Variants in OARD1 observed in about 807,000 individuals in gnomAD.
The protein encoded by OARD1 is O-acyl-ADP-ribose deacylase 1.
In OARD1, 19 loss-of-function variants were observed where a neutral mutation model predicts 19.7. The observed-to-expected ratio is 0.96, with a 90% CI of 0.67 to 1.41. The LOEUF is 1.41. OARD1 is among the 40% of genes most tolerant of loss of function. The probability of loss-of-function intolerance (pLI) is 0.00; values close to 1 mark genes in which losing one functional copy is unlikely to be tolerated. For missense variants in OARD1, 190 were observed against 183.8 expected, an observed-to-expected ratio of 1.03 and a Z score of -0.20; for synonymous variants, 70 against 61.8, an observed-to-expected ratio of 1.13 and a Z score of -0.62.
At chr6:41,086,522 GTTTT>G (rs35163651) in intron 1 of OARD1, among the ~76,000 whole-genome samples, 6 of 151,892 alleles carry the variant, frequency 4.0e-5, no homozygotes, top group African/African-American at 1.5e-4. Context: ...TTGTATAGGA[GTTTT>G]TTTTCTCATT....
At chr6:41,079,126 G>A in intron 1 of OARD1, 1 of 1,614,202 alleles carries the variant, frequency 6.2e-7, no homozygotes, top group Non-Finnish European at 8.5e-7. Context: ...TAGTTCGACA[G>A]AGCAGATTGT....
intron 4 of OARD1, 78 bp from the exon 5 acceptor site, chr6:41,069,031 A>G (rs2294695): frequency 0.35 from 246,975 of 698,122 alleles, 45,832 homozygotes; most frequent in African/African-American, 0.52. Context: ...CCAACATCCC[A>G]ATAATTAAAA....
upstream of OARD1, chr6:41,075,221 CTG>C (rs1763700765): frequency 6.6e-6 from 1 of 152,182 alleles, no homozygotes; most frequent in African/African-American, 2.4e-5. Context: ...GGGCTTTCCT[CTG>C]TCATCCAGGC....
Position 41,095,932 on chromosome 6 carries a change from A to G in OARD1, c.-42+1781T>C, listed in dbSNP as rs575346639. On this transcript the variant is annotated intron_variant, in intron 1 of 4. Transcript: ENST00000480585. Reference sequence around the variant, plus strand: ...TTAGTATCCAGTTCTGAACCAAGCAATCAGTGTTTCTTGAATTAATAGATT... The same window carrying G: ...TTAGTATCCAGTTCTGAACCAAGCAGTCAGTGTTTCTTGAATTAATAGATT... Among the ~76,000 whole-genome samples the G allele has an allele frequency of 7.2e-5, 11 of 152,344 alleles. No homozygotes were observed. In the South Asian group the frequency reaches 1.9e-3, roughly 26 times the overall value.
At chr6:41,094,499 T>C (rs765087958) in intron 1 of OARD1, 4 of 1,607,576 alleles carry the variant, frequency 2.5e-6, no homozygotes, top group Non-Finnish European at 3.4e-6. Flanking sequence ...CATATGCAGG[T>C]AGGAAGACAT....
intron 1 of OARD1, chr6:41,092,947 A>G: frequency 6.2e-7 from 1 of 1,613,944 alleles, no homozygotes; most frequent in Non-Finnish European, 8.5e-7. Flanking sequence ...CTGCTATCCA[A>G]AGAATCCCTC....
At chr6:41,070,296 T>C (rs1763264707) in intron 3 of OARD1, among the ~76,000 whole-genome samples, 162 bp from the exon 4 acceptor site, 1 of 152,256 alleles carries the variant, frequency 6.6e-6, no homozygotes, top group African/African-American at 2.4e-5. Context: ...ACACTTTGCT[T>C]TTTATCAGCA....
intron 1 of OARD1, chr6:41,090,119 A>G: frequency 2.1e-6 from 2 of 951,450 alleles, no homozygotes; most frequent in East Asian, 5.1e-5. Flanking sequence ...GTCTCAAAAA[A>G]ATAATTTTTT....
At chr6:41,092,861 C>T (rs753178522) in intron 1 of OARD1, 1 of 1,547,202 alleles carries the variant, frequency 6.5e-7, no homozygotes, top group African/African-American at 1.4e-5. Flanking sequence ...GAAACTGTTT[C>T]TATGTCCATA....
At chr6:41,088,679 G>A (rs1207093199) in intron 1 of OARD1, among the ~76,000 whole-genome samples, 2 of 151,320 alleles carry the variant, frequency 1.3e-5, no homozygotes, top group East Asian at 4.1e-4. Context: ...CTGCCTCCCA[G>A]GCTCAAATGA....
Position 41,071,617 on chromosome 6 carries a change from A to T in OARD1, c.18T>A (p.Asn6Lys), listed in dbSNP as rs1216105495. Residue 6 changes from asparagine to lysine, a missense_variant, in exon 2 of 6, where the codon AAT becomes AAA. Asn to Lys is a moderately conservative substitution (Grantham distance 94, BLOSUM62 0). Coordinates refer to ENST00000424266, the MANE Select transcript of OARD1 (RefSeq NM_001329686.2). ...GCACTCTGCTTCCTTCTGGATCTTC[A>T]TTAAGGCTGCTGGCCATGATACTGA... MASSL[N>K]EDPEGSRITY... is the part of the protein sequence containing the mutation. The T allele has an allele frequency of 6.2e-7, 1 of 1,613,554 alleles. No homozygotes were observed. Among genetic ancestry groups the T allele is most frequent in the Non-Finnish European group, 8.5e-7 (1 of 1,179,506 alleles).
chr6:41,073,633 TG>T (rs1290411459), upstream of OARD1, among the ~76,000 whole-genome samples: 1 of 151,982 alleles, frequency 6.6e-6, no homozygotes, highest in Non-Finnish European at 1.5e-5. Context: ...GAGGGAGGCC[TG>T]GGGAGGGTGC....
chr6:41,097,473 A>C, intron 1 of OARD1: 1 of 1,543,478 alleles, frequency 6.5e-7, no homozygotes, highest in Non-Finnish European at 9.0e-7. Context: ...AAATTGATCA[A>C]CTCTTCCAAT....
chr6:41,086,028 T>C (rs1764034083), intron 1 of OARD1, among the ~76,000 whole-genome samples: 2 of 152,254 alleles, frequency 1.3e-5, no homozygotes, highest in Admixed American at 6.5e-5. Context: ...TCTCTTTGCA[T>C]AAATATATGA....
intron 1 of OARD1, among the ~76,000 whole-genome samples, chr6:41,096,054 C>T (rs1408164449): frequency 6.6e-6 from 1 of 152,156 alleles, no homozygotes; most frequent in African/African-American, 2.4e-5. Context: ...CTCTAATTGG[C>T]CTTATATAGT....
upstream of OARD1, among the ~76,000 whole-genome samples, chr6:41,076,233 C>G (rs1422105351): frequency 6.6e-6 from 1 of 152,054 alleles, no homozygotes; most frequent in South Asian, 2.1e-4. Context: ...CATAGGGAGA[C>G]CCCCTCTCTT....
At chr6:41,091,385 G>A (rs901970277) in intron 1 of OARD1, 3 of 708,650 alleles carry the variant, frequency 4.2e-6, no homozygotes, top group Non-Finnish European at 6.9e-6. Context: ...CAGTGGGAGA[G>A]TACTTTTTCT....
At chr6:41,090,080 A>C (rs962486740) in intron 1 of OARD1, 1 of 637,464 alleles carries the variant, frequency 1.6e-6, no homozygotes, top group African/African-American at 1.8e-5. Flanking sequence ...ACTGCACTGC[A>C]CTCCAGCCTG....
At chr6:41,073,740 G>C (rs953426418), upstream of OARD1, among the ~76,000 whole-genome samples, 2 of 152,062 alleles carry the variant, frequency 1.3e-5, no homozygotes, top group East Asian at 1.9e-4. Flanking sequence ...TCTCCCTGGT[G>C]GGGAGAGGGG....
Sources: gnomAD v4.1 joint callset for allele counts (sites outside exome capture counted in the v4.1 genomes callset) on GRCh38, gnomAD v4.1.1 for gene constraint, MANE v1.5 for transcripts, NCBI Gene and HGNC (gene_info 2026-07-23, HGNC 2026-07-21) for gene names.